Variants in NPSR1 observed in about 807,000 individuals in gnomAD.
The protein encoded by NPSR1 is neuropeptide S receptor.
Under a neutral mutation model 46.9 loss-of-function variants are expected in NPSR1, and 48 were observed. That is an observed-to-expected ratio of 1.02 (90% CI 0.81 to 1.30). The LOEUF (loss-of-function observed/expected upper bound fraction) is 1.30. Among genes scored for constraint, NPSR1 ranks in the 50% most tolerant of loss-of-function variants. The pLI is 0.00. For missense variants in NPSR1, 450 were observed against 449.5 expected, an observed-to-expected ratio of 1.00 and a Z score of -0.01; for synonymous variants, 176 against 168.1, an observed-to-expected ratio of 1.05 and a Z score of -0.36.
At position 34,848,656 on chromosome 7, in the gene NPSR1, C is replaced by T; in HGVS notation, c.1018C>T (p.Pro340Ser). Reference sequence around the variant, plus strand: ...TGTCTTCAGCAGCTCCATCTCTTTCCCCTGCAGGTAAGGGGAGCTCTTGCA... The same window carrying T: ...TGTCTTCAGCAGCTCCATCTCTTTCTCCTGCAGGTAAGGGGAGCTCTTGCA... ...YCVFSSSISF[P>S]CREQRSQDSR... is the part of the protein sequence containing the mutation. The change falls in exon 8 of 9, where the codon CCC becomes TCC. Residue 340 changes from proline (P) to serine (S), a missense_variant. Coordinates refer to ENST00000360581, the MANE Select transcript of NPSR1 (RefSeq NM_207172.2). 6.2e-7 allele frequency: 1 copy of T among 1,613,760 alleles called. No individual in the cohort carries two copies.
intron 2 of NPSR1, among the ~76,000 whole-genome samples, chr7:34,741,453 A>G (rs995784076): frequency 6.6e-6 from 1 of 152,096 alleles, no homozygotes; most frequent in African/African-American, 2.4e-5. Flanking sequence ...CATTCTTCCT[A>G]GGATTCTTGA....
At chr7:34,795,567 A>C (rs949238803) in intron 3 of NPSR1, among the ~76,000 whole-genome samples, 6 of 152,176 alleles carry the variant, frequency 3.9e-5, no homozygotes, top group Admixed American at 1.3e-4. Flanking sequence ...GCAAGATTAC[A>C]GAATATGTTA....
At chr7:34,677,287 TTGCTG>T (rs1269341946) in intron 1 of NPSR1, among the ~76,000 whole-genome samples, 3 of 152,146 alleles carry the variant, frequency 2.0e-5, no homozygotes, top group African/African-American at 7.2e-5. Flanking sequence ...AATGTGAACT[TTGCTG>T]CCAGAGTCAT....
At chr7:34,688,808 T>C (rs1198023297) in intron 2 of NPSR1, among the ~76,000 whole-genome samples, 1 of 152,188 alleles carries the variant, frequency 6.6e-6, no homozygotes, top group East Asian at 1.9e-4. Context: ...TTTCCAGGCA[T>C]TTGACACACC....
chr7:34,812,004 C>T, intron 4 of NPSR1, 141 bp downstream of exon 4: 1 of 618,864 alleles, frequency 1.6e-6, no homozygotes, highest in South Asian at 2.0e-5. Flanking sequence ...TTCTCCTCTT[C>T]CACCTCTTTC....
intron 3 of NPSR1, among the ~76,000 whole-genome samples, chr7:34,802,252 C>A (rs188156925): frequency 2.0e-5 from 3 of 150,184 alleles, no homozygotes; most frequent in African/African-American, 7.6e-5. Context: ...GAGCTCACAT[C>A]GCGAAGTCAA....
intron 2 of NPSR1, among the ~76,000 whole-genome samples, chr7:34,742,096 C>A (rs539523436): frequency 6.6e-6 from 1 of 151,926 alleles, no homozygotes; most frequent in South Asian, 2.1e-4. Flanking sequence ...CAGTTAGGAA[C>A]CATAAGTTTT....
intron 2 of NPSR1, among the ~76,000 whole-genome samples, chr7:34,715,608 T>C (rs1048229395): frequency 1.3e-5 from 2 of 152,240 alleles, no homozygotes; most frequent in Admixed American, 6.5e-5. Context: ...CCCTATTAGA[T>C]GGTTGTCCCT....
At chr7:34,724,733 C>G (rs563486595) in intron 2 of NPSR1, among the ~76,000 whole-genome samples, 1 of 152,032 alleles carries the variant, frequency 6.6e-6, no homozygotes, top group Non-Finnish European at 1.5e-5. Context: ...ACTGGCTAAG[C>G]CTCACCTTAC....
At chr7:34,809,621 G>A (rs1308666961) in intron 3 of NPSR1, among the ~76,000 whole-genome samples, 2 of 151,974 alleles carry the variant, frequency 1.3e-5, no homozygotes, top group African/African-American at 2.4e-5. Context: ...CCGCCACTAC[G>A]CCCGGCTAAT....
intron 3 of NPSR1, among the ~76,000 whole-genome samples, chr7:34,785,760 T>C (rs976624357): frequency 3.3e-5 from 5 of 152,162 alleles, no homozygotes; most frequent in Non-Finnish European, 7.4e-5. Flanking sequence ...ACAATAAAGC[T>C]AATCACAATA....
chr7:34,731,878 T>C (rs1191595428), intron 2 of NPSR1, among the ~76,000 whole-genome samples: 2 of 151,988 alleles, frequency 1.3e-5, no homozygotes, highest in Non-Finnish European at 2.9e-5. Flanking sequence ...TGTAGCATCA[T>C]AATAAAAATA....
At position 34,790,985 on chromosome 7, in the gene NPSR1, A is replaced by ATG. The variant is rs1562730296; in HGVS notation, c.384+12421_384+12422insGT. Among the ~76,000 whole-genome samples the ATG allele has an allele frequency of 5.0e-5, 6 of 120,964 alleles. 1 individual carries two copies. Among genetic ancestry groups the ATG allele is most frequent in the South Asian group, 2.4e-4 (1 of 4,102 alleles). The allele number at this position is 120,964 out of a possible 152,430, so 79.4% of individuals were successfully genotyped here. ...TTATATTATATATGTTATATGTTAT[A>ATG]TTATATATGTTATATGTTATATGTT... On this transcript the variant is annotated intron_variant, in intron 3 of 8. Transcript: ENST00000360581.
At chr7:34,791,158 T>TA (rs1562731196) in intron 3 of NPSR1, among the ~76,000 whole-genome samples, 22 of 129,188 alleles carry the variant, frequency 1.7e-4, no homozygotes, top group African/African-American at 6.4e-4. Context: ...ATGTTATATA[T>TA]TATATATGTT....
intron 1 of NPSR1, among the ~76,000 whole-genome samples, chr7:34,680,553 G>C (rs1169539248): frequency 6.6e-6 from 1 of 151,998 alleles, no homozygotes; most frequent in Non-Finnish European, 1.5e-5. Context: ...ATATGTACTA[G>C]AGAAAAAAAG....
chr7:34,844,413 T>A (rs1362455982), intron 6 of NPSR1, among the ~76,000 whole-genome samples: 1 of 152,232 alleles, frequency 6.6e-6, no homozygotes, highest in Non-Finnish European at 1.5e-5. Flanking sequence ...CTGATACCCC[T>A]GGCTTGAGCT....
chr7:34,842,399 G>T (rs1244937570), intron 6 of NPSR1, among the ~76,000 whole-genome samples: 1 of 152,180 alleles, frequency 6.6e-6, no homozygotes, highest in Non-Finnish European at 1.5e-5. Context: ...TGTGGAGGCT[G>T]CCCTGTGCAT....
At chr7:34,870,263 G>A (rs1013433213) in intron 8 of NPSR1, among the ~76,000 whole-genome samples, 3 of 151,724 alleles carry the variant, frequency 2.0e-5, no homozygotes, top group Admixed American at 2.0e-4. Context: ...TTGGAGCCAG[G>A]GATGAGTCAG....
chr7:34,803,142 T>C (rs1788505993), intron 3 of NPSR1, among the ~76,000 whole-genome samples: 1 of 151,434 alleles, frequency 6.6e-6, no homozygotes, highest in Admixed American at 6.6e-5. Context: ...GTTCAACCCT[T>C]GTGGAAGTCA....
Sources: allele counts gnomAD v4.1 joint callset (sites outside exome capture counted in the v4.1 genomes callset), GRCh38; gene constraint gnomAD v4.1.1; transcripts MANE v1.5; gene names NCBI Gene and HGNC (gene_info 2026-07-23, HGNC 2026-07-21).